The following CUEDC1 variants were observed in gnomAD, a reference collection of about 807,000 sequenced individuals.
CUEDC1 encodes the protein CUE domain containing 1, also known as CUE domain-containing protein 1.
A neutral mutation model predicts 43.7 loss-of-function variants in CUEDC1; 30 were observed. The ratio of observed to expected loss-of-function variants is 0.69; its 90% confidence interval spans 0.51 to 0.93. The LOEUF (loss-of-function observed/expected upper bound fraction) is 0.93, where lower values mean the gene tolerates loss of function less well. Among genes scored for constraint, CUEDC1 ranks in the 40% least tolerant of loss-of-function variants. CUEDC1 has a pLI of 0.00. For missense variants in CUEDC1, 486 were observed against 549.0 expected, an observed-to-expected ratio of 0.89 and a Z score of 1.15; for synonymous variants, 223 against 223.6, an observed-to-expected ratio of 1.00 and a Z score of 0.02.
intron 1 of CUEDC1, among the ~76,000 whole-genome samples, chr17:57,946,452 A>G (rs753934079): frequency 2.0e-5 from 3 of 152,188 alleles, no homozygotes; most frequent in Non-Finnish European, 4.4e-5. Flanking sequence ...ACTGGCCTCA[A>G]GCCGTCTCAG....
intron 1 of CUEDC1, among the ~76,000 whole-genome samples, chr17:57,935,378 G>GAGACACAC (rs1555569479): frequency 9.1e-5 from 13 of 142,178 alleles, no homozygotes; most frequent in Admixed American, 2.8e-4. Flanking sequence ...CCTTCCATTA[G>GAGACACAC]ACACACACAC....
At chr17:57,902,644 T>C (rs528851932) in intron 1 of CUEDC1, among the ~76,000 whole-genome samples, 1 of 152,322 alleles carries the variant, frequency 6.6e-6, no homozygotes, top group African/African-American at 2.4e-5. Flanking sequence ...AATCCCAAGA[T>C]AGATTATCCT....
At chr17:57,921,797 C>CT (rs1185264151) in intron 1 of CUEDC1, among the ~76,000 whole-genome samples, 1 of 152,124 alleles carries the variant, frequency 6.6e-6, no homozygotes, top group Non-Finnish European at 1.5e-5. Flanking sequence ...ACCACTGCCT[C>CT]TGTTTTCCAC....
intron 3 of CUEDC1, among the ~76,000 whole-genome samples, chr17:57,875,001 G>C (rs73992332): frequency 8.5e-5 from 13 of 152,230 alleles, no homozygotes; most frequent in African/African-American, 3.1e-4. Context: ...ACAGACACAG[G>C]GGGAGAGGGA....
At chr17:57,894,972 C>T (rs531427308) in intron 1 of CUEDC1, among the ~76,000 whole-genome samples, 2 of 152,328 alleles carry the variant, frequency 1.3e-5, no homozygotes, top group African/African-American at 2.4e-5. Flanking sequence ...CAAGATGAGG[C>T]TTCTCAGCAG....
intron 1 of CUEDC1, among the ~76,000 whole-genome samples, chr17:57,951,609 C>T (rs1286641793): frequency 6.6e-6 from 1 of 152,110 alleles, no homozygotes; most frequent in African/African-American, 2.4e-5. Flanking sequence ...CAAGTACGCA[C>T]CACCATGCCC....
At position 57,885,213 on chromosome 17, in the gene CUEDC1, C is replaced by T. The variant is rs1373061132; in HGVS notation, c.336+16G>A. ...TCCTCCAGTGGTGGTTGGAATTACC[C>T]GGGCTGCGCCCCTACCTCCGGGGGG... On this transcript the variant is annotated intron_variant, in intron 2 of 10. Transcript: ENST00000577830. 1 of 1,541,616 alleles carries T rather than the reference C, an allele frequency of 6.5e-7. No homozygotes were observed. Among genetic ancestry groups the T allele is most frequent in the African/African-American group, 1.4e-5 (1 of 72,138 alleles).
chr17:57,940,792 T>C (rs1446204680), intron 1 of CUEDC1, among the ~76,000 whole-genome samples: 1 of 152,208 alleles, frequency 6.6e-6, no homozygotes, highest in African/African-American at 2.4e-5. Flanking sequence ...ACAGTAGTTT[T>C]TAAAAAAATA....
chr17:57,943,850 T>C (rs1226113260), intron 1 of CUEDC1, among the ~76,000 whole-genome samples: 1 of 152,204 alleles, frequency 6.6e-6, no homozygotes, highest in Admixed American at 6.5e-5. Flanking sequence ...GACTGTGATC[T>C]GTACACTTAA....
At chr17:57,940,411 G>T (rs566805098) in intron 1 of CUEDC1, among the ~76,000 whole-genome samples, 213 of 152,188 alleles carry the variant, frequency 1.4e-3, no homozygotes, top group Non-Finnish European at 2.5e-3. Context: ...CAGTGAGGTC[G>T]GCCCCATGTG....
intron 1 of CUEDC1, among the ~76,000 whole-genome samples, chr17:57,947,907 G>T (rs2074973394): frequency 1.3e-5 from 2 of 152,196 alleles, no homozygotes; most frequent in Admixed American, 1.3e-4. Context: ...AGGCCTTGAT[G>T]ATCCTTCAAA....
intron 2 of CUEDC1, among the ~76,000 whole-genome samples, chr17:57,884,423 C>T (rs570077233): frequency 1.0e-3 from 159 of 152,094 alleles, no homozygotes; most frequent in Non-Finnish European, 6.0e-4. Context: ...GTCTCGAACT[C>T]CTGAACTCAT....
At chr17:57,916,998 G>A (rs979820877) in intron 1 of CUEDC1, among the ~76,000 whole-genome samples, 2 of 152,184 alleles carry the variant, frequency 1.3e-5, no homozygotes, top group African/African-American at 4.8e-5. Context: ...CCTAGGAGAG[G>A]CCCACAAGAA....
At chr17:57,868,469 A>G (rs976885445) in intron 7 of CUEDC1, 11 of 571,104 alleles carry the variant, frequency 1.9e-5, no homozygotes, top group Non-Finnish European at 3.5e-5. Flanking sequence ...CAGGGGCAGC[A>G]CAGGACACCC....
intron 1 of CUEDC1, among the ~76,000 whole-genome samples, chr17:57,951,397 G>A (rs1261671880): frequency 6.6e-6 from 1 of 152,118 alleles, no homozygotes; most frequent in Non-Finnish European, 1.5e-5. Context: ...ACTAAGCTAT[G>A]ATGAAAATGT....
intron 10 of CUEDC1, 98 bp downstream of exon 10, chr17:57,866,376 C>T: frequency 8.7e-7 from 1 of 1,145,118 alleles, no homozygotes; most frequent in Non-Finnish European, 1.3e-6. Context: ...GTTGCCTGAG[C>T]CCAGCGCCTC....
At chr17:57,866,227 C>G (rs1004379979) in intron 10 of CUEDC1, among the ~76,000 whole-genome samples, 1 of 152,204 alleles carries the variant, frequency 6.6e-6, no homozygotes, top group African/African-American at 2.4e-5. Flanking sequence ...TTTTCCTGTT[C>G]TCAGCATCTG....
intron 1 of CUEDC1, among the ~76,000 whole-genome samples, chr17:57,931,588 C>T (rs1323088544): frequency 1.3e-5 from 2 of 152,136 alleles, no homozygotes; most frequent in Non-Finnish European, 2.9e-5. Flanking sequence ...GAAGCTCTCA[C>T]ATATGCATGG....
chr17:57,876,146 C>T (rs1227005874), intron 3 of CUEDC1, among the ~76,000 whole-genome samples: 1 of 152,176 alleles, frequency 6.6e-6, no homozygotes, highest in Non-Finnish European at 1.5e-5. Flanking sequence ...TCCTAAAACA[C>T]GAACCTGATC....
Sources: gnomAD v4.1 joint callset for allele counts (sites outside exome capture counted in the v4.1 genomes callset) on GRCh38, gnomAD v4.1.1 for gene constraint, MANE v1.5 for transcripts, NCBI Gene and HGNC (gene_info 2026-07-23, HGNC 2026-07-21) for gene names.